Variants in SLC22A16 observed in about 807,000 individuals in gnomAD.
SLC22A16 encodes the protein solute carrier family 22 member 16.
Under a neutral mutation model 52.9 loss-of-function variants are expected in SLC22A16, and 53 were observed. That is an observed-to-expected ratio of 1.00 (90% CI 0.80 to 1.26). SLC22A16 has a LOEUF of 1.26. SLC22A16 is among the 50% of genes most tolerant of loss of function. SLC22A16 has a pLI of 0.00. For synonymous variants in SLC22A16, 291 were observed against 268.8 expected (o/e 1.08, Z -0.81); for missense variants, 726 against 704.0 (o/e 1.03, Z -0.35).
At chr6:110,436,460 A>G (rs1367041950) in intron 5 of SLC22A16, among the ~76,000 whole-genome samples, 1 of 152,162 alleles carries the variant, frequency 6.6e-6, no homozygotes, top group East Asian at 1.9e-4. Context: ...CCCCATTTCT[A>G]CAGAAAAACA....
chr6:110,450,521 A>G (rs1775335357), intron 2 of SLC22A16, among the ~76,000 whole-genome samples: 2 of 150,026 alleles, frequency 1.3e-5, no homozygotes, highest in South Asian at 4.3e-4. Flanking sequence ...CTGAGGCAGG[A>G]GAATCACTTG....
intron 7 of SLC22A16, among the ~76,000 whole-genome samples, chr6:110,427,314 A>G (rs1278374904): frequency 6.6e-6 from 1 of 151,960 alleles, no homozygotes; most frequent in Non-Finnish European, 1.5e-5. Flanking sequence ...ACCCTTTTAT[A>G]ATCTCCATAC....
intron 6 of SLC22A16, 80 bp downstream of exon 6, chr6:110,435,772 A>T: frequency 2.0e-6 from 2 of 1,015,384 alleles, no homozygotes; most frequent in Non-Finnish European, 1.5e-6. Flanking sequence ...AGAAGCATTT[A>T]CATGTAAAGG....
intron 1 of SLC22A16, among the ~76,000 whole-genome samples, chr6:110,461,816 A>G (rs1377528426): frequency 1.8e-4 from 28 of 152,244 alleles, no homozygotes; most frequent in Non-Finnish European, 1.5e-5. Context: ...CTCAAGTGAA[A>G]AAAGAATACA....
rs144862556 is a variant in SLC22A16, at chr6:110,438,809, C to A, written c.1222G>T (p.Ala408Ser). Residue 408 changes from alanine (A) to serine (S), a missense_variant, in exon 5 of 8, where the codon GCC (alanine) becomes TCC (serine). Physicochemically the swap from Ala to Ser is moderately conservative, Grantham distance 99. Coordinates refer to ENST00000368919, the MANE Select transcript of SLC22A16 (RefSeq NM_033125.4). ...EIPAYTFVCI[A>S]MDKVGRRTVL... ...GTTCTCCTCCCGACCTTGTCCATGGCGATGCACACGAAGGTGTAGGCGGGA... is the reference window on the plus strand; with the variant it reads ...GTTCTCCTCCCGACCTTGTCCATGGAGATGCACACGAAGGTGTAGGCGGGA... The A allele has an allele frequency of 1.5e-5, 24 of 1,614,038 alleles. No homozygotes were observed. The African/African-American group carries it at 2.3e-4, about 15-fold the overall frequency.
chr6:110,466,046 C>G (rs539621727), intron 1 of SLC22A16, among the ~76,000 whole-genome samples: 3 of 152,148 alleles, frequency 2.0e-5, no homozygotes, highest in Non-Finnish European at 4.4e-5. Context: ...AAAGGACTCT[C>G]TATTCAATAA....
chr6:110,427,697 G>A (rs1001450222), intron 7 of SLC22A16, among the ~76,000 whole-genome samples: 2 of 152,150 alleles, frequency 1.3e-5, no homozygotes, highest in Admixed American at 6.5e-5. Flanking sequence ...ACGGGGTGTC[G>A]CCATATTGGC....
chr6:110,431,348 C>T (rs748847356), intron 6 of SLC22A16, 78 bp from the exon 7 acceptor site: 1 of 1,203,588 alleles, frequency 8.3e-7, no homozygotes, highest in African/African-American at 1.5e-5. Context: ...CCTGCAGCTC[C>T]TTTCCCACGC....
chr6:110,441,216 A>C (rs1311736988), intron 4 of SLC22A16, among the ~76,000 whole-genome samples: 1 of 152,260 alleles, frequency 6.6e-6, no homozygotes, highest in Non-Finnish European at 1.5e-5. Context: ...GATTAACAGC[A>C]GAAGCAATAG....
chr6:110,435,968 A>C lies in SLC22A16; in HGVS notation c.1312-7T>G, dbSNP rs1774712314. The C allele has an allele frequency of 6.3e-6, 10 of 1,591,362 alleles. No individual in the cohort carries two copies. Among genetic ancestry groups the C allele is most frequent in the Non-Finnish European group, 8.6e-6 (10 of 1,160,542 alleles). ...CACCCAAAATATAATGTTTCTGAAAAAAATTTAGCAGAATAGATCATCACA... is the reference window on the plus strand; with the variant it reads ...CACCCAAAATATAATGTTTCTGAAACAAATTTAGCAGAATAGATCATCACA... On this transcript the variant is annotated splice_polypyrimidine_tract_variant and splice_region_variant and intron_variant, in intron 5 of 7. Coordinates refer to ENST00000368919, the MANE Select transcript of SLC22A16 (RefSeq NM_033125.4).
chr6:110,464,616 C>T (rs984581942), intron 1 of SLC22A16, among the ~76,000 whole-genome samples: 38 of 151,696 alleles, frequency 2.5e-4, no homozygotes, highest in African/African-American at 8.0e-4. Context: ...AGACCAATAA[C>T]GAGTAATGAA....
At chr6:110,441,971 C>T (rs538633222) in intron 4 of SLC22A16, among the ~76,000 whole-genome samples, 1 of 152,270 alleles carries the variant, frequency 6.6e-6, no homozygotes, top group South Asian at 2.1e-4. Flanking sequence ...GTGTCTTGAC[C>T]TTGATGGCAA....
rs777572007 is a variant in SLC22A16 at position 110,465,370 on chromosome 6, A to G, written c.54-8353T>C. On this transcript the variant is annotated intron_variant, in intron 1 of 7. Transcript: ENST00000368919. ...AGTGAAATTATCTCTGTTCCCTGAT[A>G]ACATGATCTTATACCTAGAAAAATC... 2.6e-5 allele frequency among the ~76,000 whole-genome samples: 4 copies of G among 152,132 alleles called. No homozygotes were observed. In the South Asian group the frequency reaches 8.3e-4, roughly 31 times the overall value.
At chr6:110,438,560 A>G (rs1049278120) in intron 5 of SLC22A16, among the ~76,000 whole-genome samples, 160 bp downstream of exon 5, 1 of 133,790 alleles carries the variant, frequency 7.5e-6, no homozygotes, top group Admixed American at 7.2e-5. Context: ...TACTTATATA[A>G]CAGAAAAAGA....
In SLC22A16 at chr6:110,456,876, A is replaced by G; in HGVS notation, c.195T>C (p.Asn65=). The change falls in exon 2 of 8, where the codon AAT becomes AAC. Residue 65 remains asparagine (N), a synonymous_variant. Transcript: ENST00000368919. ...TGTCCTCCAAACTCCAATTAGAGTG[A>G]TTATGGAAAACAACCTGACTCACAT... The part of the protein sequence containing the change: ...PGNVSQVVFH[N]HSNWSLEDTG... 1.2e-6 allele frequency: 2 copies of G among 1,614,130 alleles called. No individual in the cohort carries two copies. The highest frequency in any genetic ancestry group is 1.7e-6 in the Non-Finnish European group (2 of 1,179,992).
In SLC22A16 at chr6:110,435,905, T is replaced by A; in HGVS notation, c.1368A>T (p.Ala456=). The change falls in exon 6 of 8, where the codon GCA becomes GCT. Residue 456 remains alanine (A), a synonymous_variant. Transcript: ENST00000368919. Reference sequence around the variant, plus strand: ...TATAAAGATAAATGAGGCCAAATGCTGCCCCGATGGCAAATTTTCCAACCA... The same window carrying A: ...TATAAAGATAAATGAGGCCAAATGCAGCCCCGATGGCAAATTTTCCAACCA... ...TAMVGKFAIG[A]AFGLIYLYTA... is the part of the protein sequence containing the mutation. The A allele has an allele frequency of 6.2e-7, 1 of 1,614,086 alleles. No homozygotes were observed. Among genetic ancestry groups the A allele is most frequent in the African/African-American group, 1.3e-5 (1 of 75,058 alleles).
intron 1 of SLC22A16, among the ~76,000 whole-genome samples, chr6:110,471,065 T>C (rs1470338454): frequency 6.6e-6 from 1 of 152,122 alleles, no homozygotes; most frequent in African/African-American, 2.4e-5. Context: ...CCCAGCGAAA[T>C]GCATACACAG....
chr6:110,467,205 C>A (rs1015499879), intron 1 of SLC22A16, among the ~76,000 whole-genome samples: 2 of 152,066 alleles, frequency 1.3e-5, no homozygotes, highest in Non-Finnish European at 2.9e-5. Flanking sequence ...TTCCCTCCAA[C>A]CTAAATGCCG....
chr6:110,447,714 T>C (rs745612774), intron 2 of SLC22A16, among the ~76,000 whole-genome samples: 2 of 152,208 alleles, frequency 1.3e-5, no homozygotes, highest in Non-Finnish European at 2.9e-5. Flanking sequence ...TCTGTCTCCA[T>C]AGATTTGCCT....
Sources: allele counts gnomAD v4.1 joint callset (sites outside exome capture counted in the v4.1 genomes callset), GRCh38; gene constraint gnomAD v4.1.1; transcripts MANE v1.5; gene names NCBI Gene and HGNC (gene_info 2026-07-23, HGNC 2026-07-21).